Variants in TNR observed in about 807,000 individuals in gnomAD.
The protein encoded by TNR is tenascin-R.
In TNR, 45 loss-of-function variants were observed where a neutral mutation model predicts 150.4. The ratio of observed to expected loss-of-function variants is 0.30; its 90% CI spans 0.24 to 0.38. TNR has a LOEUF of 0.38. Ranked by LOEUF, TNR falls within the 10% of genes least tolerant of loss-of-function variation. TNR has a pLI of 1.00. For missense variants in TNR, 1,544 were observed against 1,759.1 expected (o/e 0.88, Z 2.19); for synonymous variants, 687 against 678.4 (o/e 1.01, Z -0.20).
chr1:175,374,372 G>A (rs531359593), intron 9 of TNR, among the ~76,000 whole-genome samples: 1 of 152,348 alleles, frequency 6.6e-6, no homozygotes, highest in East Asian at 1.9e-4. Flanking sequence ...GTGTGTGAGT[G>A]TGTGTACGTG....
chr1:175,539,362 G>A (rs565888793), intron 1 of TNR, among the ~76,000 whole-genome samples: 2 of 152,352 alleles, frequency 1.3e-5, no homozygotes, highest in African/African-American at 4.8e-5. Flanking sequence ...TACACCTGGA[G>A]ACATGTCCAC....
At chr1:175,537,316 C>T (rs1365137926) in intron 1 of TNR, among the ~76,000 whole-genome samples, 1 of 152,158 alleles carries the variant, frequency 6.6e-6, no homozygotes, top group Non-Finnish European at 1.5e-5. Context: ...CTCTCTTCAC[C>T]TGATATAAAG....
chr1:175,697,973 C>T (rs562751585), intron 1 of TNR, among the ~76,000 whole-genome samples: 6 of 152,310 alleles, frequency 3.9e-5, no homozygotes, highest in Admixed American at 1.3e-4. Flanking sequence ...AGAACCTCTC[C>T]GACTCTCCCC....
intron 1 of TNR, among the ~76,000 whole-genome samples, chr1:175,723,004 C>T (rs1232820489): frequency 6.6e-6 from 1 of 151,786 alleles, no homozygotes; most frequent in Non-Finnish European, 1.5e-5. Flanking sequence ...GTTGGCCAGG[C>T]TGGTCTGAAG....
chr1:175,338,815 T>C (rs1650371139), intron 18 of TNR, among the ~76,000 whole-genome samples: 1 of 152,120 alleles, frequency 6.6e-6, no homozygotes, highest in Non-Finnish European at 1.5e-5. Flanking sequence ...GACCCCATCA[T>C]AGATCACCAG....
At chr1:175,569,933 T>C (rs6703015) in intron 1 of TNR, among the ~76,000 whole-genome samples, 23,473 of 152,134 alleles carry the variant, frequency 0.15, 2,280 homozygotes, top group African/African-American at 0.27. Flanking sequence ...TCTTCCAGTC[T>C]ACCCCTCAGG....
At chr1:175,582,692 A>G (rs1454914201) in intron 1 of TNR, among the ~76,000 whole-genome samples, 1 of 152,166 alleles carries the variant, frequency 6.6e-6, no homozygotes, top group Non-Finnish European at 1.5e-5. Context: ...CCACACCACT[A>G]TGGAGAGTTG....
chr1:175,388,503 T>C (rs1382767632), intron 7 of TNR, among the ~76,000 whole-genome samples: 2 of 152,172 alleles, frequency 1.3e-5, no homozygotes, highest in East Asian at 3.8e-4. Context: ...TTGGTGTAGG[T>C]CAGACCTTAG....
chr1:175,410,752 T>TCA (rs1654176878), intron 2 of TNR, among the ~76,000 whole-genome samples: 3 of 151,962 alleles, frequency 2.0e-5, no homozygotes, highest in Non-Finnish European at 4.4e-5. Flanking sequence ...ACTGGCAGAG[T>TCA]TCAAGATGGT....
chr1:175,582,421 C>G (rs1428643632), intron 1 of TNR, among the ~76,000 whole-genome samples: 1 of 152,178 alleles, frequency 6.6e-6, no homozygotes, highest in Non-Finnish European at 1.5e-5. Flanking sequence ...GAAGAAGTTC[C>G]TAAGGATGTA....
intron 1 of TNR, among the ~76,000 whole-genome samples, chr1:175,618,058 A>T (rs974916659): frequency 2.0e-5 from 3 of 152,170 alleles, no homozygotes; most frequent in Non-Finnish European, 4.4e-5. Flanking sequence ...CTTAATTGGG[A>T]GGGTCATTCA....
At chr1:175,323,687 T>C (rs1001378956) in intron 22 of TNR, among the ~76,000 whole-genome samples, 3 of 152,186 alleles carry the variant, frequency 2.0e-5, no homozygotes, top group Non-Finnish European at 2.9e-5. Flanking sequence ...CCTGGGTCTT[T>C]CCAGGGAACA....
At position 175,355,489 on chromosome 1, in the gene TNR, C is replaced by T. The variant is rs1397942559; in HGVS notation, c.3249+14G>A. 5.6e-6 allele frequency: 9 copies of T among 1,613,152 alleles called. No individual in the cohort carries two copies. The East Asian group carries it at 2.0e-4, about 36-fold the overall frequency. On this transcript the variant is annotated intron_variant, in intron 17 of 22. Transcript: ENST00000367674. ...TGGAAGAAATGGTCTTTTCCCTTTC[C>T]AGCAAAATCTCACCTTGCGGCTTCC...
intron 9 of TNR, among the ~76,000 whole-genome samples, chr1:175,369,392 G>A (rs534789311): frequency 1.3e-5 from 2 of 152,232 alleles, no homozygotes; most frequent in East Asian, 3.9e-4. Context: ...GCATTCCTTG[G>A]CTTGTAGTTG....
chr1:175,324,116 A>G (rs936309096), intron 22 of TNR, among the ~76,000 whole-genome samples: 1 of 151,962 alleles, frequency 6.6e-6, no homozygotes, highest in East Asian at 1.9e-4. Context: ...TCTTCATGGG[A>G]TCTTCTGGAT....
intron 17 of TNR, among the ~76,000 whole-genome samples, chr1:175,355,049 T>G (rs1224552219): frequency 6.6e-6 from 1 of 152,228 alleles, no homozygotes; most frequent in Non-Finnish European, 1.5e-5. Flanking sequence ...TTTATAATGC[T>G]TATCAAGAGG....
chr1:175,526,073 G>T (rs1299118500), intron 2 of TNR, among the ~76,000 whole-genome samples: 3 of 151,894 alleles, frequency 2.0e-5, no homozygotes, highest in Non-Finnish European at 2.9e-5. Context: ...TGACGGAAGG[G>T]TATTAAGTTG....
chr1:175,505,230 G>A (rs1658907249), intron 2 of TNR, among the ~76,000 whole-genome samples: 1 of 152,214 alleles, frequency 6.6e-6, no homozygotes, highest in South Asian at 2.1e-4. Context: ...CTGCTGACAG[G>A]AGCGGCTCTG....
chr1:175,494,805 C>A (rs565815778), intron 2 of TNR, among the ~76,000 whole-genome samples: 157 of 152,244 alleles, frequency 1.0e-3, no homozygotes, highest in African/African-American at 3.6e-3. Context: ...TCAATGATAT[C>A]GAAGAAAAAT....
Sources: allele counts gnomAD v4.1 joint callset (sites outside exome capture counted in the v4.1 genomes callset), GRCh38; gene constraint gnomAD v4.1.1; transcripts MANE v1.5; gene names NCBI Gene and HGNC (gene_info 2026-07-23, HGNC 2026-07-21).